PER3: variants seen among roughly 807,000 people sequenced by gnomAD.
PER3 encodes the protein period circadian protein homolog 3.
PER3 carries 107 observed loss-of-function variants against 127.2 expected under a neutral mutation model. The observed-to-expected ratio is 0.84, with a 90% CI of 0.72 to 0.99. The LOEUF (loss-of-function observed/expected upper bound fraction) is 0.99, where lower values mean the gene tolerates loss of function less well. Among genes scored for constraint, PER3 ranks in the 50% least tolerant of loss-of-function variants. The pLI, the probability that PER3 is intolerant of heterozygous loss-of-function variation, is 0.00. For synonymous variants in PER3, 618 were observed against 585.8 expected, an observed-to-expected ratio of 1.05 and a Z score of -0.79; for missense variants, 1,560 against 1,525.8, an observed-to-expected ratio of 1.02 and a Z score of -0.37.
At chr1:7,799,927 CCTGA>C (rs879283439) in intron 7 of PER3, among the ~76,000 whole-genome samples, 4 of 151,882 alleles carry the variant, frequency 2.6e-5, no homozygotes, top group South Asian at 2.1e-4. Flanking sequence ...CACCATCACG[CCTGA>C]CTAATTTTAT....
In PER3 at chr1:7,827,267, C is replaced by T. The variant is rs750896645; in HGVS notation, c.2338C>T (p.Pro780Ser). The part of the protein sequence containing the change: ...GAHQNAQPCC[P>S]SAASSPHTSS... ...GCATCAGAACGCACAGCCCTGCTGC[C>T]CCTCCGCGGCCTCCTCTCCGCACAC... The change falls in exon 18 of 22, where the codon CCC becomes TCC. Residue 780 changes from proline (P) to serine (S), a missense_variant. Around this residue, in one of 3 missense-constraint regions of PER3, gnomAD observed 1,332 missense variants for 1,223.6 expected, o/e 1.09. Transcript: ENST00000377532. 5.0e-6 allele frequency: 8 copies of T among 1,613,838 alleles called. No homozygotes were observed. The South Asian group carries it at 7.7e-5, about 16-fold the overall frequency.
chr1:7,827,941 C>T (rs2097310768), intron 18 of PER3, 126 bp downstream of exon 18: 1 of 664,838 alleles, frequency 1.5e-6, no homozygotes, highest in South Asian at 1.9e-5. Context: ...GTGAGTGAGC[C>T]TGTTAGCCTA....
At chr1:7,810,162 G>A in intron 12 of PER3, 141 bp downstream of exon 12, 2 of 905,332 alleles carry the variant, frequency 2.2e-6, no homozygotes, top group Non-Finnish European at 3.4e-6. Flanking sequence ...TTTTGGTTTG[G>A]AAAAAAAAGT....
Position 7,843,864 on chromosome 1 carries a change from C to T in PER3, c.*1109C>T. The T allele has an allele frequency of 8.3e-7, 1 of 1,203,650 alleles. No individual in the cohort carries two copies. Among genetic ancestry groups the T allele is most frequent in the Non-Finnish European group, 1.1e-6 (1 of 932,958 alleles). The allele number at this position is 1,203,650 out of a possible 1,614,324, so 74.6% of individuals were successfully genotyped here. On this transcript the variant is annotated 3_prime_UTR_variant, in exon 22 of 22. Coordinates refer to ENST00000377532, the MANE Select transcript of PER3 (RefSeq NM_001377275.1). ...TTTAAGAAGTGAGTGTGATTGTTTA[C>T]TTGATAAATCAGCTCACTCTCTGGT...
chr1:7,800,338 C>T (rs2097165223), intron 7 of PER3, among the ~76,000 whole-genome samples: 1 of 151,120 alleles, frequency 6.6e-6, no homozygotes, highest in Non-Finnish European at 1.5e-5. Context: ...CTCCCGAGTA[C>T]CTGGGATTAC....
intron 6 of PER3, among the ~76,000 whole-genome samples, chr1:7,796,024 T>G (rs1392966367): frequency 1.3e-5 from 2 of 152,202 alleles, no homozygotes; most frequent in Non-Finnish European, 2.9e-5. Context: ...AATGGTCCCA[T>G]CTTTGGCCAG....
intron 21 of PER3, among the ~76,000 whole-genome samples, chr1:7,839,661 T>G (rs2097374930): frequency 6.6e-6 from 1 of 152,220 alleles, no homozygotes; most frequent in Non-Finnish European, 1.5e-5. Context: ...AAAGGATTTC[T>G]TAGTTGACAG....
intron 19 of PER3, among the ~76,000 whole-genome samples, chr1:7,831,061 A>G (rs946590360): frequency 1.3e-4 from 20 of 152,248 alleles, no homozygotes; most frequent in African/African-American, 4.8e-4. Flanking sequence ...CAATACGTGA[A>G]TAATTATCTT....
chr1:7,785,925 A>C (rs1255944899), intron 3 of PER3, among the ~76,000 whole-genome samples: 3 of 152,236 alleles, frequency 2.0e-5, no homozygotes, highest in African/African-American at 7.2e-5. Flanking sequence ...GCATTCCACG[A>C]AATAGTTACC....
chr1:7,816,144 T>G (rs1054010809), intron 13 of PER3, among the ~76,000 whole-genome samples: 2 of 151,966 alleles, frequency 1.3e-5, no homozygotes, highest in African/African-American at 4.8e-5. Flanking sequence ...CTCAGTAATC[T>G]AAGCTTCCTC....
rs368839700 is a variant in PER3, at chr1:7,789,519, G to A, written c.592+1273G>A. The stretch of plus-strand genomic sequence containing the variant: ...GTGATTGTGAGGCTTCCTCAGCCAC[G>A]TGGAACTGTAAGTCCGTTAAACCTC... On this transcript the variant is annotated intron_variant, in intron 5 of 21. Transcript: ENST00000377532. 7.9e-5 allele frequency among the ~76,000 whole-genome samples: 12 copies of A among 152,294 alleles called. No individual in the cohort carries two copies. The East Asian group carries it at 1.5e-3, about 20-fold the overall frequency.
rs2097078698 is a variant in PER3, at chr1:7,784,972, A to G, written c.95A>G (p.His32Arg). The change falls in exon 2 of 22, where the codon CAT (histidine) becomes CGT (arginine). Residue 32 changes from histidine to arginine, a missense_variant. By Grantham distance (29) the His-to-Arg change is conservative. Coordinates refer to ENST00000377532, the MANE Select transcript of PER3 (RefSeq NM_001377275.1). ...ESGERWSPEF[H>R]LQRKLADSSH... Reference sequence around the variant, plus strand: ...GGGGAGCGGTGGAGCCCCGAGTTCCATCTGCAGAGGAAATTGGCGGACAGC... The same window carrying G: ...GGGGAGCGGTGGAGCCCCGAGTTCCGTCTGCAGAGGAAATTGGCGGACAGC... 6.4e-7 allele frequency: 1 copy of G among 1,560,516 alleles called. No homozygotes were observed. Among genetic ancestry groups the G allele is most frequent in the South Asian group, 1.2e-5 (1 of 83,482 alleles).
At chr1:7,835,260 G>C (rs1324281099) in intron 19 of PER3, among the ~76,000 whole-genome samples, 2 of 152,136 alleles carry the variant, frequency 1.3e-5, no homozygotes, top group African/African-American at 4.8e-5. Context: ...GTGACTTTCT[G>C]TATGTATTTG....
intron 13 of PER3, among the ~76,000 whole-genome samples, chr1:7,815,361 G>A (rs2097243014): frequency 6.6e-6 from 1 of 152,122 alleles, no homozygotes; most frequent in South Asian, 2.1e-4. Flanking sequence ...ATAAACATAG[G>A]TTAAAAGCAA....
intron 13 of PER3, among the ~76,000 whole-genome samples, chr1:7,815,563 C>T (rs1437063210): frequency 6.6e-6 from 1 of 152,136 alleles, no homozygotes; most frequent in African/African-American, 2.4e-5. Context: ...GCTGTTTATT[C>T]TCTAGCCATA....
At chr1:7,817,383 G>A (rs1044780988) in intron 13 of PER3, among the ~76,000 whole-genome samples, 3 of 152,170 alleles carry the variant, frequency 2.0e-5, no homozygotes, top group African/African-American at 7.2e-5. Flanking sequence ...ACACGGAAGG[G>A]GTGGGGAAGA....
intron 4 of PER3, among the ~76,000 whole-genome samples, 170 bp downstream of exon 4, chr1:7,787,006 A>G (rs1427522850): frequency 1.3e-5 from 2 of 152,204 alleles, no homozygotes; most frequent in Admixed American, 1.3e-4. Context: ...TTGCCAGAGA[A>G]AACATCTAAA....
chr1:7,793,907 A>G, intron 5 of PER3, 50 bp from the exon 6 acceptor site: 3 of 1,487,650 alleles, frequency 2.0e-6, no homozygotes, highest in Non-Finnish European at 9.4e-7. Flanking sequence ...TGTTTCACTG[A>G]GAAAGACCTG....
At chr1:7,813,290 C>A (rs1004280447) in intron 13 of PER3, among the ~76,000 whole-genome samples, 1 of 152,182 alleles carries the variant, frequency 6.6e-6, no homozygotes. Flanking sequence ...GAGATTGCTT[C>A]CAGTTTCTGC....
Sources: gnomAD v4.1 joint callset for allele counts (sites outside exome capture counted in the v4.1 genomes callset) on GRCh38, gnomAD v4.1.1 for gene constraint, gnomAD v4.1.1 regional missense constraint, MANE v1.5 for transcripts, NCBI Gene and HGNC (gene_info 2026-07-23, HGNC 2026-07-21) for gene names.